Variants in SETBP1 observed in about 807,000 individuals in gnomAD.
SETBP1 encodes SET binding protein 1.
In SETBP1, 9 loss-of-function variants were observed where a neutral mutation model predicts 101.0. The observed-to-expected ratio is 0.09, with a 90% CI of 0.05 to 0.16. SETBP1 has a LOEUF of 0.16. SETBP1 is among the 10% of genes least tolerant of loss of function. The probability of loss-of-function intolerance (pLI) is 1.00; values close to 1 mark genes in which losing one functional copy is unlikely to be tolerated. For synonymous variants in SETBP1, 818 were observed against 788.5 expected (o/e 1.04, Z -0.63); for missense variants, 1,858 against 2,033.8 (o/e 0.91, Z 1.66).
chr18:44,710,126 T>C (rs1369293867), intron 2 of SETBP1, among the ~76,000 whole-genome samples: 1 of 152,214 alleles, frequency 6.6e-6, no homozygotes, highest in Non-Finnish European at 1.5e-5. Flanking sequence ...TTCCTTTTTT[T>C]CTTTTTAATA....
chr18:44,922,072 C>G lies in SETBP1; in HGVS notation c.541-27809C>G, dbSNP rs78351233. Among the ~76,000 whole-genome samples, 175 of 152,108 alleles carry G rather than the reference C, an allele frequency of 1.2e-3. 6 individuals are homozygous for G. The East Asian group carries it at 0.032, about 28-fold the overall frequency. Reference sequence around the variant, plus strand: ...AAAGATGTATAAGCATAAGAGATACCCAAATATTCCATTTTGGTTACTTTG... The same window carrying G: ...AAAGATGTATAAGCATAAGAGATACGCAAATATTCCATTTTGGTTACTTTG... On this transcript the variant is annotated intron_variant, in intron 3 of 5. Transcript: ENST00000649279.
chr18:44,716,329 AC>A (rs1337996371), intron 2 of SETBP1, among the ~76,000 whole-genome samples: 1 of 151,804 alleles, frequency 6.6e-6, no homozygotes, highest in Non-Finnish European at 1.5e-5. Flanking sequence ...GAGGAGAAAA[AC>A]AAAACAAAAC....
intron 3 of SETBP1, among the ~76,000 whole-genome samples, chr18:44,948,481 G>A (rs1270635607): frequency 9.8e-6 from 1 of 102,496 alleles, no homozygotes. Context: ...GAGATAAAAT[G>A]AGATATACAA....
chr18:44,886,474 T>C (rs1289134027), intron 3 of SETBP1, among the ~76,000 whole-genome samples: 5 of 152,288 alleles, frequency 3.3e-5, no homozygotes, highest in Admixed American at 3.3e-4. Flanking sequence ...TTTCTCGTCT[T>C]CTTATTTTTT....
chr18:45,020,293 A>AAAAAAAAAAAAAAAAG (rs1568032212), intron 4 of SETBP1, among the ~76,000 whole-genome samples: 2 of 133,906 alleles, frequency 1.5e-5, no homozygotes, highest in African/African-American at 5.9e-5. Flanking sequence ...AAAAAAAAAA[A>AAAAAAAAAAAAAAAAG]AAGTGGCTTC....
intron 5 of SETBP1, among the ~76,000 whole-genome samples, chr18:45,056,843 C>T (rs377542219): frequency 6.6e-6 from 1 of 152,134 alleles, no homozygotes; most frequent in Non-Finnish European, 1.5e-5. Context: ...CTACCTTGTC[C>T]CAAGAAAAAA....
intron 2 of SETBP1, among the ~76,000 whole-genome samples, chr18:44,819,294 C>T (rs2072053040): frequency 6.6e-6 from 1 of 152,162 alleles, no homozygotes; most frequent in Admixed American, 6.5e-5. Flanking sequence ...TTCATTTTCT[C>T]TCTCATCAGA....
chr18:44,845,521 T>A (rs918051947), intron 2 of SETBP1, among the ~76,000 whole-genome samples: 23 of 152,232 alleles, frequency 1.5e-4, no homozygotes, highest in Non-Finnish European at 1.8e-4. Context: ...ATTAATTTCC[T>A]TGTTGGTTTG....
intron 4 of SETBP1, among the ~76,000 whole-genome samples, chr18:44,996,540 A>C (rs978877552): frequency 6.6e-5 from 10 of 152,266 alleles, no homozygotes; most frequent in Non-Finnish European, 1.3e-4. Context: ...AAAACTACCC[A>C]TGAAGATGAA....
At chr18:44,811,648 A>G (rs900090297) in intron 2 of SETBP1, among the ~76,000 whole-genome samples, 1 of 152,232 alleles carries the variant, frequency 6.6e-6, no homozygotes, top group African/African-American at 2.4e-5. Flanking sequence ...GTAGAAAGCA[A>G]TTCTATTTAA....
chr18:44,752,872 G>T (rs1851472239), intron 2 of SETBP1, among the ~76,000 whole-genome samples: 1 of 152,130 alleles, frequency 6.6e-6, no homozygotes, highest in Non-Finnish European at 1.5e-5. Flanking sequence ...GCCCAATTTT[G>T]TATATATGTG....
At chr18:44,744,156 G>T (rs2070165188) in intron 2 of SETBP1, among the ~76,000 whole-genome samples, 1 of 152,218 alleles carries the variant, frequency 6.6e-6, no homozygotes, top group Admixed American at 6.5e-5. Context: ...TCCAGGAAAA[G>T]CTGTGACCCA....
chr18:45,016,470 G>C (rs890586201), intron 4 of SETBP1, among the ~76,000 whole-genome samples: 1 of 152,122 alleles, frequency 6.6e-6, no homozygotes, highest in Admixed American at 6.5e-5. Flanking sequence ...CCCTGTCGCG[G>C]CGGAACCTTC....
chr18:44,797,823 A>T (rs1170613566), intron 2 of SETBP1, among the ~76,000 whole-genome samples: 1 of 152,040 alleles, frequency 6.6e-6, no homozygotes, highest in Admixed American at 6.6e-5. Context: ...CCACAATTAT[A>T]CTTTTGCATT....
Position 44,952,489 on chromosome 18 carries a change from C to A in SETBP1, c.3149C>A (p.Pro1050His). ...ATTCCCAGTGGAAGTTACTATGCACCCTATGGAATGCCTTACACATCAATG... is the reference window on the plus strand; with the variant it reads ...ATTCCCAGTGGAAGTTACTATGCACACTATGGAATGCCTTACACATCAATG... The part of the protein sequence containing the change: ...YPIPSGSYYA[P>H]YGMPYTSMPM... The change falls in exon 4 of 6, where the codon CCC becomes CAC. Residue 1050 changes from proline (P) to histidine (H), a missense_variant. Transcript: ENST00000649279. 1 of 1,614,006 alleles carries A rather than the reference C, an allele frequency of 6.2e-7. No homozygotes were observed.
chr18:44,797,639 T>A (rs747154139), intron 2 of SETBP1, among the ~76,000 whole-genome samples: 1 of 152,144 alleles, frequency 6.6e-6, no homozygotes, highest in Non-Finnish European at 1.5e-5. Context: ...ACCTCCCAGC[T>A]GCAAAACAGA....
At chr18:44,932,483 C>T (rs967789304) in intron 3 of SETBP1, among the ~76,000 whole-genome samples, 4 of 152,154 alleles carry the variant, frequency 2.6e-5, no homozygotes, top group Admixed American at 6.6e-5. Context: ...TGAATGTTGG[C>T]CTCCCTCACT....
At chr18:44,720,901 ACCC>A (rs1207713861) in intron 2 of SETBP1, among the ~76,000 whole-genome samples, 1 of 90,328 alleles carries the variant, frequency 1.1e-5, no homozygotes, top group Non-Finnish European at 2.4e-5. Flanking sequence ...GAGCCCTCCA[ACCC>A]CCACCCCCCA....
intron 3 of SETBP1, among the ~76,000 whole-genome samples, chr18:44,916,366 C>A (rs1374423870): frequency 6.6e-6 from 1 of 152,166 alleles, no homozygotes; most frequent in Admixed American, 6.5e-5. Flanking sequence ...ACCAGGAATG[C>A]TGCCTGATGA....
Sources: gnomAD v4.1 joint callset for allele counts (sites outside exome capture counted in the v4.1 genomes callset) on GRCh38, gnomAD v4.1.1 for gene constraint, MANE v1.5 for transcripts, NCBI Gene and HGNC (gene_info 2026-07-23, HGNC 2026-07-21) for gene names.